The following NHS variants were observed in gnomAD, a reference collection of about 807,000 sequenced individuals.
NHS encodes actin remodeling regulator NHS.
In NHS, 5 loss-of-function variants were observed where a neutral mutation model predicts 72.5. The ratio of observed to expected loss-of-function variants is 0.07; its 90% CI spans 0.04 to 0.14. The LOEUF (loss-of-function observed/expected upper bound fraction) is 0.14, where lower values mean the gene tolerates loss of function less well. NHS is among the 10% of genes least tolerant of loss of function. NHS has a pLI of 1.00. For synonymous variants in NHS, 464 were observed against 547.7 expected (o/e 0.85, Z 2.13); for missense variants, 1,072 against 1,355.7 (o/e 0.79, Z 3.29).
chrX:17,632,366 G>A (rs1364631021), intron 1 of NHS, among the ~76,000 whole-genome samples: 1 of 108,133 alleles, frequency 9.2e-6, no homozygotes, highest in Admixed American at 9.9e-5. Context: ...TTTTTTTTCC[G>A]ATTTTGTAAA....
intron 1 of NHS, among the ~76,000 whole-genome samples, chrX:17,511,570 G>A (rs2065088236): frequency 8.9e-6 from 1 of 111,946 alleles, no homozygotes. Flanking sequence ...TGTAGGGTAG[G>A]TCCCAGGAAT....
intron 1 of NHS, among the ~76,000 whole-genome samples, chrX:17,441,742 A>G (rs2064755616): frequency 9.0e-6 from 1 of 110,974 alleles, no homozygotes; most frequent in South Asian, 3.9e-4. Context: ...GGAACCTGAG[A>G]CAAGCATGAA....
In NHS at chrX:17,616,450, T is replaced by C. The variant is rs1224397320; in HGVS notation, c.566-71292T>C. 3.5e-5 allele frequency among the ~76,000 whole-genome samples: 4 copies of C among 112,882 alleles called. No homozygotes were observed. The Admixed American group carries it at 3.7e-4, about 11-fold the overall frequency. On this transcript the variant is annotated intron_variant, in intron 1 of 8. Transcript: ENST00000676302. ...AAAACACAGATGTCATTTAAAAATA[T>C]CTAATAATGAAATTACAAAAGTAAA...
intron 1 of NHS, among the ~76,000 whole-genome samples, chrX:17,377,652 C>T (rs1478599315): frequency 2.6e-5 from 3 of 113,635 alleles, no homozygotes; most frequent in Non-Finnish European, 3.7e-5. Context: ...TGTTCTCTCC[C>T]TCTTCCCCTC....
intron 1 of NHS, among the ~76,000 whole-genome samples, chrX:17,665,032 T>C (rs1356817062): frequency 1.8e-5 from 2 of 109,385 alleles, no homozygotes; most frequent in African/African-American, 6.6e-5. Flanking sequence ...TAATAATACA[T>C]AAATAATATA....
At chrX:17,471,419 A>G (rs2064892148) in intron 1 of NHS, among the ~76,000 whole-genome samples, 2 of 112,490 alleles carry the variant, frequency 1.8e-5, no homozygotes, top group Non-Finnish European at 1.9e-5. Flanking sequence ...CCATTTTTGC[A>G]TGAGCCACCG....
At chrX:17,564,971 TTTTTTTTATTTA>T (rs1173685293) in intron 1 of NHS, among the ~76,000 whole-genome samples, 1 of 102,215 alleles carries the variant, frequency 9.8e-6, no homozygotes, top group African/African-American at 4.5e-5. Flanking sequence ...ACAGCCACAT[TTTTTTTTATTTA>T]TTTTTTTTTT....
At chrX:17,696,350 G>C (rs949592886) in intron 3 of NHS, among the ~76,000 whole-genome samples, 1 of 111,962 alleles carries the variant, frequency 8.9e-6, no homozygotes, top group Admixed American at 9.4e-5. Context: ...TCCCGGAGAG[G>C]TGTGTTTGTG....
chrX:17,516,417 T>C (rs111427487), intron 1 of NHS, among the ~76,000 whole-genome samples: 6,168 of 111,081 alleles, frequency 0.056, 465 homozygotes, highest in African/African-American at 0.19. Context: ...CTTAAATGTT[T>C]TTCCATATTT....
chrX:17,657,186 G>A (rs1284158592), intron 1 of NHS, among the ~76,000 whole-genome samples: 1 of 112,738 alleles, frequency 8.9e-6, no homozygotes, highest in Non-Finnish European at 1.9e-5. Flanking sequence ...CTTGCTCAGG[G>A]CATGCTAGGC....
At chrX:17,529,579 A>T (rs2065189147) in intron 1 of NHS, among the ~76,000 whole-genome samples, 1 of 111,506 alleles carries the variant, frequency 9.0e-6, no homozygotes, top group African/African-American at 3.3e-5. Context: ...GGGGGAAAAA[A>T]AATGCTCTCC....
intron 3 of NHS, among the ~76,000 whole-genome samples, chrX:17,692,988 T>G (rs1390341974): frequency 8.9e-6 from 1 of 111,907 alleles, no homozygotes; most frequent in Non-Finnish European, 1.9e-5. Context: ...CATGGCTGAC[T>G]TGGTGGGGTG....
Position 17,727,552 on chromosome X carries a change from C to T in NHS, c.3446C>T (p.Ser1149Phe). The T allele has an allele frequency of 8.3e-7, 1 of 1,211,860 alleles. No individual in the cohort carries two copies. Among genetic ancestry groups the T allele is most frequent in the Non-Finnish European group, 1.1e-6 (1 of 895,540 alleles). ...KSVNLRSINK[S>F]EEVKQKEENN... ...GTTAACCTTAGGTCCATCAACAAGT[C>T]TGAAGAAGTTAAGCAAAAAGAAGAA... Residue 1149 changes from serine (S) to phenylalanine (F), a missense_variant, in exon 7 of 9, where the codon TCT becomes TTT. Physicochemically the swap from Ser to Phe is radical, Grantham distance 155. Coordinates refer to ENST00000676302, the MANE Select transcript of NHS (RefSeq NM_001291867.2).
At chrX:17,494,362 A>G (rs974629540) in intron 1 of NHS, among the ~76,000 whole-genome samples, 10 of 111,932 alleles carry the variant, frequency 8.9e-5, no homozygotes, top group Non-Finnish European at 1.5e-4. Flanking sequence ...TACAGGAATG[A>G]GCCACTGTGC....
chrX:17,416,723 G>A (rs1449247717), intron 1 of NHS, among the ~76,000 whole-genome samples: 1 of 110,310 alleles, frequency 9.1e-6, no homozygotes, highest in East Asian at 2.8e-4. Flanking sequence ...ATAGCACCTG[G>A]CATCTAGTAA....
chrX:17,506,527 TAATAAATAAATAAATAAATA>T (rs61214947), intron 1 of NHS, among the ~76,000 whole-genome samples: 1 of 98,185 alleles, frequency 1.0e-5, no homozygotes, highest in African/African-American at 3.9e-5. Flanking sequence ...TGAGACTCTG[TAATAAATAAATAAATAAATA>T]AATAAATAAA....
Position 17,725,850 on chromosome X carries a change from T to A in NHS, c.1744T>A (p.Ser582Thr), listed in dbSNP as rs1193893564. Residue 582 changes from serine (S) to threonine (T), a missense_variant, in exon 7 of 9, where the codon TCA (serine) becomes ACA (threonine). By Grantham distance (58) the Ser-to-Thr change is moderately conservative. Coordinates refer to ENST00000676302, the MANE Select transcript of NHS (RefSeq NM_001291867.2). ...GCACAAATTAAGTGAGAGGGGAAGG[T>A]CACGTCTGTCCCGAATGGCTGCTGA... ...PQHKLSERGR[S>T]RLSRMAADSG... is the part of the protein sequence containing the mutation. 5.8e-6 allele frequency: 7 copies of A among 1,209,379 alleles called. No homozygotes were observed. The highest frequency in any genetic ancestry group is 7.8e-6 in the Non-Finnish European group (7 of 895,079).
chrX:17,648,940 A>C (rs2065918144), intron 1 of NHS, among the ~76,000 whole-genome samples: 1 of 112,226 alleles, frequency 8.9e-6, no homozygotes, highest in African/African-American at 3.2e-5. Flanking sequence ...GGATTAAATA[A>C]GATTATGGGG....
At chrX:17,421,256 C>G (rs1247068078) in intron 1 of NHS, among the ~76,000 whole-genome samples, 4 of 102,589 alleles carry the variant, frequency 3.9e-5, no homozygotes, top group African/African-American at 8.1e-5. Context: ...CGCGCACACA[C>G]ACACACACAC....
Sources: gnomAD v4.1 joint callset for allele counts (sites outside exome capture counted in the v4.1 genomes callset) on GRCh38, gnomAD v4.1.1 for gene constraint, MANE v1.5 for transcripts, NCBI Gene and HGNC (gene_info 2026-07-23, HGNC 2026-07-21) for gene names.